INO80: variants seen among roughly 807,000 people sequenced by gnomAD.
INO80 encodes INO80 complex ATPase subunit, also known as chromatin-remodeling ATPase INO80.
Under a neutral mutation model 203.4 loss-of-function variants are expected in INO80, and 20 were observed. That is an observed-to-expected ratio of 0.10 (90% CI 0.07 to 0.14). The LOEUF (loss-of-function observed/expected upper bound fraction) is 0.14, where lower values mean the gene tolerates loss of function less well. Ranked by LOEUF, INO80 falls within the 10% of genes least tolerant of loss-of-function variation. The probability of loss-of-function intolerance (pLI) is 1.00; values close to 1 mark genes in which losing one functional copy is unlikely to be tolerated. For missense variants in INO80, 1,419 were observed against 1,914.4 expected (o/e 0.74, Z 4.83); for synonymous variants, 726 against 685.2 (o/e 1.06, Z -0.93).
chr15:41,072,789 T>C (rs1050622517), intron 11 of INO80, among the ~76,000 whole-genome samples: 1 of 149,614 alleles, frequency 6.7e-6, no homozygotes, highest in Non-Finnish European at 1.5e-5. Context: ...GTCTTTTTCT[T>C]TTTTTTTTTG....
At chr15:41,027,956 G>C in intron 24 of INO80, 1 of 326,336 alleles carries the variant, frequency 3.1e-6, no homozygotes, top group Non-Finnish European at 5.6e-6. Context: ...TTAAACAACT[G>C]TCATTTATAA....
At chr15:41,022,455 A>G (rs1214398859) in intron 25 of INO80, among the ~76,000 whole-genome samples, 5 of 151,810 alleles carry the variant, frequency 3.3e-5, no homozygotes, top group African/African-American at 9.7e-5. Context: ...TTGAACCAGA[A>G]GAACTGAGGG....
chr15:41,091,423 G>A (rs1388927986), intron 5 of INO80, among the ~76,000 whole-genome samples: 1 of 151,966 alleles, frequency 6.6e-6, no homozygotes, highest in African/African-American at 2.4e-5. Flanking sequence ...TTGCTACACG[G>A]GTAAACATGT....
chr15:41,077,550 C>T (rs1005460657), intron 9 of INO80, among the ~76,000 whole-genome samples: 9 of 152,058 alleles, frequency 5.9e-5, no homozygotes, highest in Admixed American at 3.3e-4. Flanking sequence ...ACCTAAAGTG[C>T]TATCAAGAAA....
intron 23 of INO80, 40 bp downstream of exon 23, chr15:41,047,368 C>G (rs1459665325): frequency 8.0e-7 from 1 of 1,253,542 alleles, no homozygotes; most frequent in East Asian, 2.3e-5. Flanking sequence ...CCCATTTATT[C>G]CTAACTGGCC....
chr15:41,027,471 G>T (rs866186591), intron 25 of INO80, 125 bp downstream of exon 25: 1 of 807,572 alleles, frequency 1.2e-6, no homozygotes, highest in Non-Finnish European at 1.9e-6. Context: ...TAAAATACTA[G>T]AATTTATATG....
chr15:41,025,312 T>A (rs2044359064), intron 25 of INO80, among the ~76,000 whole-genome samples: 1 of 152,064 alleles, frequency 6.6e-6, no homozygotes, highest in African/African-American at 2.4e-5. Flanking sequence ...TTGAGAGTGG[T>A]GGGTTATAGA....
chr15:41,079,941 C>A, intron 8 of INO80, 37 bp from the exon 9 acceptor site: 2 of 1,582,398 alleles, frequency 1.3e-6, no homozygotes, highest in Non-Finnish European at 1.7e-6. Context: ...GAAAGGACCC[C>A]ATACCAGAAG....
intron 29 of INO80, among the ~76,000 whole-genome samples, chr15:40,994,456 C>T (rs775845031): frequency 8.6e-5 from 13 of 151,696 alleles, no homozygotes; most frequent in Non-Finnish European, 1.9e-4. Context: ...CTCTGCCTCC[C>T]GGGTTCAAGC....
At chr15:41,115,948 GC>G in intron 1 of INO80, 24 bp downstream of exon 1, 1 of 381,194 alleles carries the variant, frequency 2.6e-6, no homozygotes, top group East Asian at 3.8e-5. Flanking sequence ...CACTCCGTTC[GC>G]CCGCCCACGT....
At chr15:41,049,088 G>C (rs556199453) in intron 21 of INO80, among the ~76,000 whole-genome samples, 199 bp downstream of exon 21, 43 of 152,310 alleles carry the variant, frequency 2.8e-4, no homozygotes, top group African/African-American at 9.9e-4. Flanking sequence ...GAAGTGACTA[G>C]GGCCTTTAAG....
At chr15:40,994,856 A>G (rs1176643954) in intron 29 of INO80, among the ~76,000 whole-genome samples, 1 of 152,176 alleles carries the variant, frequency 6.6e-6, no homozygotes, top group Non-Finnish European at 1.5e-5. Flanking sequence ...CAATGAATGA[A>G]TGAACAAATG....
intron 33 of INO80, 63 bp from the exon 34 acceptor site, chr15:40,983,984 C>G: frequency 6.4e-7 from 1 of 1,551,458 alleles, no homozygotes; most frequent in Admixed American, 1.7e-5. Flanking sequence ...GCCTTGCACC[C>G]AGCTAGGAAC....
At chr15:40,987,736 A>T (rs76311249) in intron 30 of INO80, 80 bp downstream of exon 30, 1 of 1,242,374 alleles carries the variant, frequency 8.0e-7, no homozygotes, top group Non-Finnish European at 1.1e-6. Flanking sequence ...AGAGAGTTTT[A>T]AAATAGTCTC....
At chr15:41,033,420 A>C (rs1301700240) in intron 24 of INO80, among the ~76,000 whole-genome samples, 1 of 151,400 alleles carries the variant, frequency 6.6e-6, no homozygotes, top group East Asian at 1.9e-4. Context: ...TGTAATCTCA[A>C]ACTCCTGGAC....
intron 14 of INO80, 42 bp from the exon 15 acceptor site, chr15:41,059,968 T>A (rs544656702): frequency 7.9e-7 from 1 of 1,269,726 alleles, no homozygotes; most frequent in Non-Finnish European, 1.1e-6. Context: ...CTATAGATGA[T>A]CTTAAAAGTA....
chr15:41,019,259 A>C (rs2044254006), intron 26 of INO80, among the ~76,000 whole-genome samples: 1 of 152,140 alleles, frequency 6.6e-6, no homozygotes, highest in African/African-American at 2.4e-5. Flanking sequence ...AAAACGTAAA[A>C]GTATAAAGGA....
intron 1 of INO80, among the ~76,000 whole-genome samples, chr15:41,099,032 C>T (rs2045765746): frequency 6.6e-6 from 1 of 151,642 alleles, no homozygotes; most frequent in African/African-American, 2.4e-5. Context: ...ATCCCTTGAG[C>T]CCAGGAGTTT....
rs1236661529 is a variant in INO80 at position 41,046,202 on chromosome 15, CATACATAT to C, written c.2736-1135_2736-1128del. ...CTGTGTGTGTCTCTGTGTGCGTATACATACATATATATATATATATATATATATATATA... is the reference window on the plus strand; with the variant it reads ...CTGTGTGTGTCTCTGTGTGCGTATACATATATATATATATATATATATATA... On this transcript the variant is annotated intron_variant, in intron 23 of 35. Coordinates refer to ENST00000648947, the MANE Select transcript of INO80 (RefSeq NM_017553.3). Among the ~76,000 whole-genome samples the C allele has an allele frequency of 3.8e-3, 417 of 109,426 alleles. 49 individuals are homozygous for C. The highest frequency in any genetic ancestry group is 8.2e-3 in the African/African-American group (182 of 22,230). 71.8% of individuals were successfully genotyped at this position (109,426 alleles called of 152,430 possible).
Sources: gnomAD v4.1 joint callset for allele counts (sites outside exome capture counted in the v4.1 genomes callset) on GRCh38, gnomAD v4.1.1 for gene constraint, MANE v1.5 for transcripts, NCBI Gene and HGNC (gene_info 2026-07-23, HGNC 2026-07-21) for gene names.